Variants in HS2ST1 observed in about 807,000 individuals in gnomAD.
The protein encoded by HS2ST1 is heparan sulfate 2-O-sulfotransferase 1, also known as 2-O-sulfotransferase.
Under a neutral mutation model 42.9 loss-of-function variants are expected in HS2ST1, and 18 were observed. The ratio of observed to expected loss-of-function variants is 0.42; its 90% confidence interval spans 0.29 to 0.62. The LOEUF (loss-of-function observed/expected upper bound fraction) is 0.62, where lower values mean the gene tolerates loss of function less well. HS2ST1 is among the 20% of genes least tolerant of loss of function. The pLI, the probability that HS2ST1 is intolerant of heterozygous loss-of-function variation, is 0.21. For synonymous variants in HS2ST1, 146 were observed against 152.9 expected (o/e 0.95, Z 0.33); for missense variants, 334 against 433.8 (o/e 0.77, Z 2.04).
chr1:87,096,870 A>T (rs1652081196), intron 4 of HS2ST1, among the ~76,000 whole-genome samples: 1 of 152,238 alleles, frequency 6.6e-6, no homozygotes, highest in African/African-American at 2.4e-5. Flanking sequence ...ATAGTTTGGG[A>T]TATGGTAGGT....
chr1:87,001,147 A>G (rs1383248165), intron 1 of HS2ST1, among the ~76,000 whole-genome samples: 1 of 152,174 alleles, frequency 6.6e-6, no homozygotes, highest in African/African-American at 2.4e-5. Context: ...TTATTTTTCC[A>G]AAATGCCAAA....
intron 1 of HS2ST1, among the ~76,000 whole-genome samples, chr1:86,946,907 A>G (rs1647357372): frequency 6.6e-6 from 1 of 152,172 alleles, no homozygotes; most frequent in Non-Finnish European, 1.5e-5. Context: ...TATTATTTTT[A>G]TGGATGTACA....
chr1:86,975,556 G>A (rs966038760), intron 1 of HS2ST1, among the ~76,000 whole-genome samples: 2 of 152,100 alleles, frequency 1.3e-5, no homozygotes, highest in Non-Finnish European at 2.9e-5. Flanking sequence ...AAAGGGAATG[G>A]CAGAGCTTTT....
intron 2 of HS2ST1, among the ~76,000 whole-genome samples, chr1:87,079,528 C>T (rs967985629): frequency 4.6e-5 from 7 of 152,080 alleles, no homozygotes; most frequent in Admixed American, 2.6e-4. Flanking sequence ...CTTTTTTCTT[C>T]GTCATAAAGA....
intron 1 of HS2ST1, among the ~76,000 whole-genome samples, chr1:86,988,766 T>G (rs1648862332): frequency 6.6e-6 from 1 of 152,234 alleles, no homozygotes; most frequent in African/African-American, 2.4e-5. Flanking sequence ...AACGGGTCAT[T>G]TTGTTAATGA....
chr1:86,992,967 A>G (rs1026287712), intron 1 of HS2ST1: 1 of 1,144,088 alleles, frequency 8.7e-7, no homozygotes, highest in African/African-American at 1.6e-5. Flanking sequence ...CTGTTTGTTC[A>G]CATTCTTCTT....
Position 86,915,152 on chromosome 1 carries a change from C to T in HS2ST1, c.116C>T (p.Ser39Leu), listed in dbSNP as rs148556650. 5.6e-6 allele frequency: 9 copies of T among 1,613,244 alleles called. No homozygotes were observed. The African/African-American group carries it at 1.2e-4, about 22-fold the overall frequency. Residue 39 changes from serine to leucine, a missense_variant, in exon 1 of 7, where the codon TCG becomes TTG. Transcript: ENST00000370550. ...ATCCAGAAACTGGAGGAGTCCCGCT[C>T]GAAGCTAGGTGAGGAACTGAACTGC... is the stretch of plus-strand genomic sequence containing the variant. ...NQIQKLEESRSKLERAIARHE... is the reference protein window; with the variant it reads ...NQIQKLEESRLKLERAIARHE...
At chr1:86,960,123 A>G (rs578130399) in intron 1 of HS2ST1, among the ~76,000 whole-genome samples, 1 of 152,066 alleles carries the variant, frequency 6.6e-6, no homozygotes, top group South Asian at 2.1e-4. Flanking sequence ...GACCACGAAT[A>G]TAGTAAATTG....
chr1:87,100,999 A>G lies in HS2ST1; in HGVS notation c.687-2433A>G, dbSNP rs554623880. Among the ~76,000 whole-genome samples, 31 of 152,162 alleles carry G rather than the reference A, an allele frequency of 2.0e-4. No individual in the cohort carries two copies. In the East Asian group the frequency reaches 5.0e-3, roughly 25 times the overall value. On this transcript the variant is annotated intron_variant, in intron 5 of 6. Transcript: ENST00000370550. The stretch of plus-strand genomic sequence containing the variant: ...AAATGTTTATGCTCTGCCTCCCTTT[A>G]AAATGTAAGTTCCAACTTTAAGTCA...
At chr1:87,034,595 G>A (rs1462928778) in intron 1 of HS2ST1, among the ~76,000 whole-genome samples, 1 of 152,142 alleles carries the variant, frequency 6.6e-6, no homozygotes, top group Non-Finnish European at 1.5e-5. Flanking sequence ...TAGGAAATCA[G>A]AATCACATTT....
intron 1 of HS2ST1, among the ~76,000 whole-genome samples, chr1:86,936,240 CTCT>C (rs1035249485): frequency 2.0e-5 from 3 of 151,556 alleles, no homozygotes; most frequent in Non-Finnish European, 2.9e-5. Flanking sequence ...TAAATTTTTT[CTCT>C]TCTTTTCAAA....
At chr1:86,919,489 A>T (rs978056100) in intron 1 of HS2ST1, among the ~76,000 whole-genome samples, 4 of 151,928 alleles carry the variant, frequency 2.6e-5, no homozygotes, top group Non-Finnish European at 5.9e-5. Flanking sequence ...ATTTATCATG[A>T]TTTTCTCAGT....
Position 87,107,546 on chromosome 1 carries a change from A to G in HS2ST1, c.*2850A>G, listed in dbSNP as rs890516037. 2 of 151,628 alleles carry G rather than the reference A, an allele frequency of 1.3e-5. No homozygotes were observed. The highest frequency in any genetic ancestry group is 2.4e-5 in the African/African-American group (1 of 41,312). 9.4% of individuals were successfully genotyped at this position (151,628 alleles called of 1,614,324 possible). On this transcript the variant is annotated 3_prime_UTR_variant, in exon 7 of 7. Coordinates refer to ENST00000370550, the MANE Select transcript of HS2ST1 (RefSeq NM_012262.4). ...CTTTTTTCAGCCTTTGCGCTTTTTC[A>G]GTATTTTGACCATAGGGAGATAATT...
chr1:86,974,828 T>G (rs180749277), intron 1 of HS2ST1, among the ~76,000 whole-genome samples: 1 of 152,342 alleles, frequency 6.6e-6, no homozygotes, highest in Admixed American at 6.5e-5. Context: ...TTGGCATGTC[T>G]TTAGGTCTGA....
chr1:87,073,447 T>C (rs181782065), intron 2 of HS2ST1, among the ~76,000 whole-genome samples: 1 of 152,294 alleles, frequency 6.6e-6, no homozygotes, highest in African/African-American at 2.4e-5. Flanking sequence ...GAGCATAGTA[T>C]CCTTTTAAAA....
chr1:87,018,132 C>CCA (rs56401098), intron 1 of HS2ST1, among the ~76,000 whole-genome samples: 4,744 of 149,274 alleles, frequency 0.032, 80 homozygotes, highest in Middle Eastern at 0.049. Context: ...TAAATAAAAG[C>CCA]CACACACACA....
intron 1 of HS2ST1, among the ~76,000 whole-genome samples, chr1:87,011,533 G>A (rs1039657139): frequency 2.0e-5 from 3 of 152,162 alleles, no homozygotes; most frequent in African/African-American, 7.2e-5. Flanking sequence ...ATGAGCCACT[G>A]TGCCCAGCTG....
At chr1:86,931,140 G>T (rs1343262254) in intron 1 of HS2ST1, among the ~76,000 whole-genome samples, 1 of 152,014 alleles carries the variant, frequency 6.6e-6, no homozygotes, top group African/African-American at 2.4e-5. Context: ...TTTTGACTAT[G>T]TACATGACGT....
At chr1:87,059,425 A>G (rs1651062455) in intron 1 of HS2ST1, among the ~76,000 whole-genome samples, 1 of 152,208 alleles carries the variant, frequency 6.6e-6, no homozygotes, top group South Asian at 2.1e-4. Context: ...TTACAGTGGC[A>G]TTTGTTCAAT....
Sources: gnomAD v4.1 joint callset for allele counts (sites outside exome capture counted in the v4.1 genomes callset) on GRCh38, gnomAD v4.1.1 for gene constraint, MANE v1.5 for transcripts, NCBI Gene and HGNC (gene_info 2026-07-23, HGNC 2026-07-21) for gene names.